The following WASL variants were observed in gnomAD, a reference collection of about 807,000 sequenced individuals.
The protein encoded by WASL is actin nucleation-promoting factor WASL.
A neutral mutation model predicts 55.5 loss-of-function variants in WASL; 20 were observed. The observed-to-expected ratio is 0.36, with a 90% CI of 0.25 to 0.52. The LOEUF is 0.52. Ranked by LOEUF, WASL falls within the 20% of genes least tolerant of loss-of-function variation. WASL has a pLI of 0.92. For missense variants in WASL, 504 were observed against 622.5 expected (o/e 0.81, Z 2.03); for synonymous variants, 249 against 217.6 (o/e 1.14, Z -1.27).
At chr7:123,694,692 C>A (rs550919069) in intron 8 of WASL, 23 bp downstream of exon 8, 1 of 1,609,432 alleles carries the variant, frequency 6.2e-7, no homozygotes, top group South Asian at 1.1e-5. Context: ...CAAAACAGAA[C>A]GCTGAATAGA....
intron 3 of WASL, 57 bp downstream of exon 3, chr7:123,706,683 T>C: frequency 8.1e-7 from 1 of 1,238,534 alleles, no homozygotes; most frequent in African/African-American, 1.5e-5. Context: ...TAATTTGGAT[T>C]AGAAAAGGCA....
At position 123,696,618 on chromosome 7, in the gene WASL, CTCT is replaced by C; in HGVS notation, c.587_589del (p.Lys196del). The C allele has an allele frequency of 6.3e-7, 1 of 1,598,780 alleles. No homozygotes were observed. Among genetic ancestry groups the C allele is most frequent in the Non-Finnish European group, 8.5e-7 (1 of 1,172,440 alleles). On this transcript the variant is annotated inframe_deletion, in exon 6 of 11. Transcript: ENST00000223023. The stretch of plus-strand genomic sequence containing the variant: ...TGTTCCTATATCTGCCTTGGTTAAT[CTCT>C]TCTTTTTAGCTTTTCCCTTCTTCTT...
At chr7:123,689,278 G>A (rs909673908) in intron 9 of WASL, 128 bp from the exon 10 acceptor site, 19 of 667,920 alleles carry the variant, frequency 2.8e-5, no homozygotes, top group South Asian at 8.0e-5. Context: ...ACTGGCAAGC[G>A]CAGGACAAGA....
intron 1 of WASL, among the ~76,000 whole-genome samples, chr7:123,741,059 G>A (rs1352209393): frequency 1.3e-5 from 2 of 152,126 alleles, no homozygotes; most frequent in Non-Finnish European, 2.9e-5. Flanking sequence ...CCCAGGATGA[G>A]CAAGTGTGCG....
chr7:123,690,097 A>G (rs928767958), intron 9 of WASL, among the ~76,000 whole-genome samples: 10 of 152,220 alleles, frequency 6.6e-5, no homozygotes, highest in Admixed American at 1.3e-4. Context: ...ATGAAAAAAG[A>G]TAACAGAGAG....
In WASL at chr7:123,701,094, C is replaced by T. The variant is rs1803582241; in HGVS notation, c.460+3540G>A. 2.6e-5 allele frequency among the ~76,000 whole-genome samples: 4 copies of T among 152,088 alleles called. No individual in the cohort carries two copies. The South Asian group carries it at 6.2e-4, about 24-fold the overall frequency. On this transcript the variant is annotated intron_variant, in intron 5 of 10. Coordinates refer to ENST00000223023, the MANE Select transcript of WASL (RefSeq NM_003941.4). ...GTGATAACCTGTTTAAGGTATAGAG[C>T]CATTTTTTAAACAACATAAAGTATA...
chr7:123,700,208 C>A (rs111886448), intron 5 of WASL, among the ~76,000 whole-genome samples: 26,795 of 71,114 alleles, frequency 0.38, 3,329 homozygotes, highest in South Asian at 0.55. Context: ...AAAAAAAAAA[C>A]AACATTATTT....
Position 123,709,049 on chromosome 7 carries a change from C to CTGAT in WASL, c.252+39_252+40insATCA, listed in dbSNP as rs760028321. ...CTAAATTATAATTGATATAGAAAAC[C>CTGAT]TAATCACCTAGTTTAAAGTGAAAGC... is the stretch of plus-strand genomic sequence containing the variant. On this transcript the variant is annotated intron_variant, in intron 2 of 10. Transcript: ENST00000223023. The CTGAT allele has an allele frequency of 3.1e-5, 48 of 1,536,138 alleles. No homozygotes were observed. In the Middle Eastern group the frequency reaches 5.3e-4, roughly 17 times the overall value.
intron 1 of WASL, among the ~76,000 whole-genome samples, chr7:123,727,734 T>G (rs916895328): frequency 1.4e-4 from 21 of 152,162 alleles, no homozygotes; most frequent in African/African-American, 4.8e-4. Context: ...AACTTTATTT[T>G]GGGGGTATGG....
chr7:123,718,813 G>C (rs1311967677), intron 1 of WASL, among the ~76,000 whole-genome samples: 1 of 152,212 alleles, frequency 6.6e-6, no homozygotes, highest in Non-Finnish European at 1.5e-5. Context: ...ATATCTTACT[G>C]TTAGAAAATT....
chr7:123,697,984 A>C (rs954667728), intron 5 of WASL, among the ~76,000 whole-genome samples: 10 of 152,114 alleles, frequency 6.6e-5, no homozygotes, highest in African/African-American at 2.4e-4. Context: ...ACAAGTTGTC[A>C]CAATTCATTA....
chr7:123,700,342 A>G (rs1042659345), intron 5 of WASL, among the ~76,000 whole-genome samples: 1 of 152,092 alleles, frequency 6.6e-6, no homozygotes, highest in Admixed American at 6.6e-5. Flanking sequence ...GGACAGTAAG[A>G]GTCAGGTGAT....
At chr7:123,734,671 G>A (rs1227224275) in intron 1 of WASL, among the ~76,000 whole-genome samples, 3 of 151,766 alleles carry the variant, frequency 2.0e-5, no homozygotes, top group Non-Finnish European at 4.4e-5. Flanking sequence ...GCAGTGCAGG[G>A]TATCTGTAGG....
chr7:123,745,284 T>C (rs1434962906), intron 1 of WASL, among the ~76,000 whole-genome samples: 1 of 152,164 alleles, frequency 6.6e-6, no homozygotes, highest in Non-Finnish European at 1.5e-5. Flanking sequence ...TGATTTCCCT[T>C]GTCTTTCCCT....
At chr7:123,737,738 A>G (rs753657780) in intron 1 of WASL, among the ~76,000 whole-genome samples, 1 of 152,190 alleles carries the variant, frequency 6.6e-6, no homozygotes, top group African/African-American at 2.4e-5. Flanking sequence ...AGAAAGATTA[A>G]AGATTTAAAT....
Position 123,689,156 on chromosome 7 carries a change from A to G in WASL, c.1348-6T>C, listed in dbSNP as rs1205008069. 1.6e-5 allele frequency: 26 copies of G among 1,610,376 alleles called. No homozygotes were observed. The highest frequency in any genetic ancestry group is 2.1e-5 in the Non-Finnish European group (25 of 1,177,166). ...GACTCTTGGCCATCAGCCACCTTGG[A>G]AAAGAAAGTTAGCAAAACTCAGTAA... On this transcript the variant is annotated splice_region_variant and splice_polypyrimidine_tract_variant and intron_variant, in intron 9 of 10. Transcript: ENST00000223023.
chr7:123,696,834 G>A, intron 5 of WASL, 87 bp from the exon 6 acceptor site: 2 of 906,498 alleles, frequency 2.2e-6, no homozygotes, highest in Non-Finnish European at 3.0e-6. Flanking sequence ...TACTTTTTCT[G>A]AAATAGGATC....
chr7:123,731,995 C>A (rs1804145094), intron 1 of WASL, among the ~76,000 whole-genome samples: 2 of 151,896 alleles, frequency 1.3e-5, no homozygotes, highest in African/African-American at 4.8e-5. Flanking sequence ...CCAGCTTAAC[C>A]AAGAAAAAAA....
intron 3 of WASL, 105 bp downstream of exon 3, chr7:123,706,635 A>T: frequency 1.0e-6 from 1 of 958,250 alleles, no homozygotes; most frequent in Non-Finnish European, 1.6e-6. Context: ...AAAATAAAAT[A>T]GCAAATTGAA....
Sources: allele counts gnomAD v4.1 joint callset (sites outside exome capture counted in the v4.1 genomes callset), GRCh38; gene constraint gnomAD v4.1.1; transcripts MANE v1.5; gene names NCBI Gene and HGNC (gene_info 2026-07-23, HGNC 2026-07-21).